Variants in CD200R1L observed in about 807,000 individuals in gnomAD.
CD200R1L encodes cell surface glycoprotein CD200 receptor 2.
A neutral mutation model predicts 24.8 loss-of-function variants in CD200R1L; 14 were observed. The ratio of observed to expected loss-of-function variants is 0.56; its 90% CI spans 0.37 to 0.88. The LOEUF is 0.88. CD200R1L is among the 40% of genes least tolerant of loss of function. CD200R1L has a pLI of 0.00. For synonymous variants in CD200R1L, 111 were observed against 109.2 expected, an observed-to-expected ratio of 1.02 and a Z score of -0.11; for missense variants, 299 against 297.8, an observed-to-expected ratio of 1.00 and a Z score of -0.03.
chr3:112,831,339 G>C (rs1446025246), intron 3 of CD200R1L, among the ~76,000 whole-genome samples: 1 of 151,980 alleles, frequency 6.6e-6, no homozygotes, highest in Non-Finnish European at 1.5e-5. Flanking sequence ...CTGTATATAA[G>C]GCTTCAGATT....
In CD200R1L at chr3:112,827,597, C is replaced by G; in HGVS notation, c.137G>C (p.Trp46Ser). ...IALRNLIIITWEIILRGQPSC... is the reference protein window; with the variant it reads ...IALRNLIIITSEIILRGQPSC... ...AGGCTGGCCTCTCAGGATTATTTCC[C>G]ATGTTATTATGATCAAATTTCTTAA... Residue 46 changes from tryptophan (W) to serine (S), a missense_variant, in exon 5 of 8, where the codon TGG becomes TCG. Physicochemically the swap from Trp to Ser is radical, Grantham distance 177. Coordinates refer to ENST00000488794, the MANE Select transcript of CD200R1L (RefSeq NM_001199215.3). 6.2e-7 allele frequency: 1 copy of G among 1,613,912 alleles called. No individual in the cohort carries two copies. The highest frequency in any genetic ancestry group is 1.1e-5 in the South Asian group (1 of 91,070).
chr3:112,819,307 C>T (rs1938475672), intron 7 of CD200R1L, among the ~76,000 whole-genome samples: 1 of 152,168 alleles, frequency 6.6e-6, no homozygotes, highest in South Asian at 2.1e-4. Flanking sequence ...AGACTTTGAA[C>T]CCAAAGGCTT....
intron 6 of CD200R1L, among the ~76,000 whole-genome samples, chr3:112,821,512 C>A (rs1938536359): frequency 6.6e-6 from 1 of 152,200 alleles, no homozygotes; most frequent in Non-Finnish European, 1.5e-5. Context: ...TCTAATTGCT[C>A]CTTTTCTCTT....
chr3:112,838,906 C>T (rs1028683438), intron 2 of CD200R1L, among the ~76,000 whole-genome samples: 8 of 152,052 alleles, frequency 5.3e-5, no homozygotes, highest in Non-Finnish European at 1.2e-4. Context: ...TGAGGATTTC[C>T]GGAGTAAGAA....
chr3:112,831,424 A>G (rs1938795315), intron 3 of CD200R1L, among the ~76,000 whole-genome samples: 1 of 152,224 alleles, frequency 6.6e-6, no homozygotes, highest in South Asian at 2.1e-4. Context: ...TGAGTGAGTG[A>G]AGAATACAAT....
intron 3 of CD200R1L, among the ~76,000 whole-genome samples, chr3:112,832,947 T>A (rs1586534): frequency 6.6e-6 from 1 of 152,328 alleles, no homozygotes; most frequent in South Asian, 2.1e-4. Context: ...ATCAATTAGA[T>A]CTTCTGAGCA....
At chr3:112,840,491 TAACACATTCATA>T (rs1939052108) in intron 2 of CD200R1L, among the ~76,000 whole-genome samples, 1 of 152,192 alleles carries the variant, frequency 6.6e-6, no homozygotes, top group South Asian at 2.1e-4. Context: ...GTAATGGTGC[TAACACATTCATA>T]AGAATGTCAC....
Position 112,818,665 on chromosome 3 carries a change from T to G in CD200R1L, c.740+1107A>C, listed in dbSNP as rs939044017. ...AGGAAGCTGTGAGGAAAGCACCATTTAAAGCACCCAAAGGGTGTATAAAAA... is the reference window on the plus strand; with the variant it reads ...AGGAAGCTGTGAGGAAAGCACCATTGAAAGCACCCAAAGGGTGTATAAAAA... On this transcript the variant is annotated intron_variant, in intron 7 of 7. Transcript: ENST00000488794. The G allele has an allele frequency of 3.2e-5, 5 of 154,164 alleles. No homozygotes were observed. In the Admixed American group the frequency reaches 3.3e-4, roughly 10 times the overall value. 9.5% of individuals were successfully genotyped at this position (154,164 alleles called of 1,614,324 possible).
At chr3:112,826,453 G>A (rs1025161127) in intron 6 of CD200R1L, among the ~76,000 whole-genome samples, 2 of 152,148 alleles carry the variant, frequency 1.3e-5, no homozygotes, top group Admixed American at 1.3e-4. Context: ...AAAAAGCCAT[G>A]TTATGTGAGA....
In CD200R1L at chr3:112,826,983, A is replaced by G; in HGVS notation, c.616+10T>C. ...TCAAGTTTACTCTTCTACAAGAAACAGGCGCTTACCTGAATTCAACTTTAC... is the reference window on the plus strand; with the variant it reads ...TCAAGTTTACTCTTCTACAAGAAACGGGCGCTTACCTGAATTCAACTTTAC... On this transcript the variant is annotated intron_variant, in intron 6 of 7. Coordinates refer to ENST00000488794, the MANE Select transcript of CD200R1L (RefSeq NM_001199215.3). 1.9e-6 allele frequency: 3 copies of G among 1,575,674 alleles called. No homozygotes were observed. Among genetic ancestry groups the G allele is most frequent in the Middle Eastern group, 4.5e-4 (2 of 4,398 alleles).
chr3:112,830,026 T>C (rs1190018616), intron 3 of CD200R1L, among the ~76,000 whole-genome samples: 1 of 152,170 alleles, frequency 6.6e-6, no homozygotes, highest in African/African-American at 2.4e-5. Context: ...GTCCAGGAGA[T>C]CTGTGCAGCT....
chr3:112,843,318 A>G (rs1939123342), intron 2 of CD200R1L, among the ~76,000 whole-genome samples: 1 of 152,178 alleles, frequency 6.6e-6, no homozygotes, highest in South Asian at 2.1e-4. Context: ...AGCTGGAGAA[A>G]AGGGCCAGCT....
intron 2 of CD200R1L, among the ~76,000 whole-genome samples, chr3:112,843,661 A>G (rs186388357): frequency 2.6e-5 from 4 of 152,334 alleles, no homozygotes; most frequent in Non-Finnish European, 2.9e-5. Flanking sequence ...CTATAAAGCA[A>G]CCAGCTAATG....
intron 2 of CD200R1L, among the ~76,000 whole-genome samples, chr3:112,841,540 C>G (rs577912201): frequency 2.6e-5 from 4 of 152,308 alleles, no homozygotes; most frequent in Non-Finnish European, 5.9e-5. Flanking sequence ...CAGCCATATG[C>G]AGTCATCGCC....
At chr3:112,836,735 A>C (rs756069584) in intron 3 of CD200R1L, among the ~76,000 whole-genome samples, 14 of 152,216 alleles carry the variant, frequency 9.2e-5, no homozygotes, top group Admixed American at 5.9e-4. Flanking sequence ...ACTATTTTAC[A>C]TTCCTAAAAA....
At chr3:112,837,618 T>C (rs1006154948) in intron 3 of CD200R1L, among the ~76,000 whole-genome samples, 9 of 152,244 alleles carry the variant, frequency 5.9e-5, no homozygotes, top group Non-Finnish European at 1.3e-4. Context: ...ACACTGGTTT[T>C]GTATTGTAGT....
intron 4 of CD200R1L, among the ~76,000 whole-genome samples, chr3:112,828,725 A>T (rs1040799230): frequency 6.6e-6 from 1 of 152,166 alleles, no homozygotes; most frequent in Non-Finnish European, 1.5e-5. Context: ...TCCTACAAGC[A>T]TCTGCCAACA....
chr3:112,842,572 C>A (rs916674006), intron 2 of CD200R1L, among the ~76,000 whole-genome samples: 1 of 151,892 alleles, frequency 6.6e-6, no homozygotes, highest in African/African-American at 2.4e-5. Context: ...CCTGCGGGGT[C>A]GGGCAAAAAG....
At chr3:112,835,538 A>G (rs77484679) in intron 3 of CD200R1L, among the ~76,000 whole-genome samples, 38,732 of 152,120 alleles carry the variant, frequency 0.25, 5,938 homozygotes, top group African/African-American at 0.42. Flanking sequence ...AAAGCACTAC[A>G]AGTTCCAATT....
Sources: allele counts gnomAD v4.1 joint callset (sites outside exome capture counted in the v4.1 genomes callset), GRCh38; gene constraint gnomAD v4.1.1; transcripts MANE v1.5; gene names NCBI Gene and HGNC (gene_info 2026-07-23, HGNC 2026-07-21).